Variants in MCF2L observed in about 807,000 individuals in gnomAD.
MCF2L encodes guanine nucleotide exchange factor DBS.
In MCF2L, 97 loss-of-function variants were observed where a neutral mutation model predicts 153.4. The observed-to-expected ratio is 0.63, with a 90% CI of 0.54 to 0.75. MCF2L has a LOEUF of 0.75. Among genes scored for constraint, MCF2L ranks in the 30% least tolerant of loss-of-function variants. The probability of loss-of-function intolerance (pLI) is 0.00; values close to 1 mark genes in which losing one functional copy is unlikely to be tolerated. For missense variants in MCF2L, 1,347 were observed against 1,495.2 expected, an observed-to-expected ratio of 0.90 and a Z score of 1.64; for synonymous variants, 659 against 632.2, an observed-to-expected ratio of 1.04 and a Z score of -0.64.
At position 113,082,438 on chromosome 13, in the gene MCF2L, G is replaced by A. The variant is rs564168801; in HGVS notation, c.1887G>A (p.Ala629=). The part of the protein sequence containing the change: ...ELLCVLEGYA[A]EMDNPLMAHL... ...CGCTCTCCCTGCAGGGCTACGCCGCGGAGATGGATAACCCACTGATGGCTC... is the reference window on the plus strand; with the variant it reads ...CGCTCTCCCTGCAGGGCTACGCCGCAGAGATGGATAACCCACTGATGGCTC... The change falls in exon 17 of 30, where the codon GCG becomes GCA. Residue 629 remains alanine (A), a synonymous_variant. Coordinates refer to ENST00000535094, the MANE Select transcript of MCF2L (RefSeq NM_001112732.3). 9.9e-5 allele frequency: 160 copies of A among 1,612,882 alleles called. No homozygotes were observed. In the South Asian group the frequency reaches 1.1e-3, roughly 11 times the overall value.
chr13:113,014,453 A>ACTGCT (rs2084377773), intron 1 of MCF2L, among the ~76,000 whole-genome samples: 1 of 151,786 alleles, frequency 6.6e-6, no homozygotes, highest in Admixed American at 6.6e-5. Flanking sequence ...GCCCTTTCCC[A>ACTGCT]CTGCTCCCCT....
At chr13:112,940,276 C>T (rs377738842) in intron 2 of MCF2L, among the ~76,000 whole-genome samples, 7 of 152,170 alleles carry the variant, frequency 4.6e-5, no homozygotes, top group East Asian at 1.9e-4. Flanking sequence ...ATTTGGACAC[C>T]GCCAGAAACT....
At chr13:113,084,116 G>A (rs1373464055) in intron 18 of MCF2L, 49 bp downstream of exon 18, 2 of 1,404,630 alleles carry the variant, frequency 1.4e-6, no homozygotes, top group African/African-American at 2.8e-5. Context: ...TAAAAGTACT[G>A]AATAATGACT....
chr13:113,038,109 A>G (rs1414378933), intron 3 of MCF2L, among the ~76,000 whole-genome samples: 2 of 152,078 alleles, frequency 1.3e-5, no homozygotes, highest in African/African-American at 4.8e-5. Flanking sequence ...ACATAGGAAT[A>G]AAATCATATC....
intron 3 of MCF2L, among the ~76,000 whole-genome samples, chr13:113,042,098 G>T (rs1207498999): frequency 6.6e-6 from 1 of 152,148 alleles, no homozygotes; most frequent in Non-Finnish European, 1.5e-5. Context: ...GAAGAAGCAT[G>T]CCTCCTGCCT....
Position 113,080,496 on chromosome 13 carries a change from G to A in MCF2L, c.1809-717G>A, listed in dbSNP as rs532131661. Among the ~76,000 whole-genome samples the A allele has an allele frequency of 9.2e-5, 14 of 152,354 alleles. No individual in the cohort carries two copies. In the South Asian group the frequency reaches 2.7e-3, roughly 29 times the overall value. On this transcript the variant is annotated intron_variant, in intron 15 of 29. Coordinates refer to ENST00000535094, the MANE Select transcript of MCF2L (RefSeq NM_001112732.3). ...ACAGCTGTCTTAGAACAAGCTTGCT[G>A]AACAACCTCAACCCAGGACCAGCCC...
rs1383049904 is a variant in MCF2L, at chr13:113,084,058, T to C, written c.2052T>C (p.Phe684=). The C allele has an allele frequency of 6.2e-7, 1 of 1,613,848 alleles. No individual in the cohort carries two copies. Among genetic ancestry groups the C allele is most frequent in the East Asian group, 2.2e-5 (1 of 44,886 alleles). The change falls in exon 18 of 30, where the codon TTT becomes TTC. Residue 684 remains phenylalanine, a synonymous_variant. Coordinates refer to ENST00000535094, the MANE Select transcript of MCF2L (RefSeq NM_001112732.3). The part of the protein sequence containing the change: ...TDCPELVGRC[F]LERMEDFQIY... ...GCCCAGAACTGGTTGGAAGATGCTT[T>C]CTGGAGAGGGTAGGTGGTGTTTTGA...
chr13:113,087,777 G>T lies in MCF2L; in HGVS notation c.2666G>T (p.Arg889Leu). ...AAGTTCGAGATCTGGTACAACGCGC[G>T]CGAGGAGGTCTACATCGTCCAGGTG... The part of the protein sequence containing the change: ...AKKFEIWYNA[R>L]EEVYIVQAPT... The change falls in exon 23 of 30, where the codon CGC (arginine) becomes CTC (leucine). Residue 889 changes from arginine (R) to leucine (L), a missense_variant. By Grantham distance (102) the Arg-to-Leu change is moderately radical. Transcript: ENST00000535094. The T allele has an allele frequency of 6.2e-7, 1 of 1,614,116 alleles. No homozygotes were observed. Among genetic ancestry groups the T allele is most frequent in the Non-Finnish European group, 8.5e-7 (1 of 1,180,020 alleles).
intron 4 of MCF2L, among the ~76,000 whole-genome samples, chr13:113,048,017 C>T (rs530080183): frequency 9.4e-4 from 143 of 152,276 alleles, no homozygotes; most frequent in African/African-American, 3.3e-3. Flanking sequence ...CAAGAGCTTC[C>T]CCAGATACGA....
chr13:112,989,486 T>C lies in MCF2L; in HGVS notation c.79+20028T>C, dbSNP rs1175730372. Among the ~76,000 whole-genome samples, 2 of 20,318 alleles carry C rather than the reference T, an allele frequency of 9.8e-5. 1 individual carries two copies. The highest frequency in any genetic ancestry group is 9.7e-4 in the East Asian group (2 of 2,066). The allele number at this position is 20,318 out of a possible 152,430, so 13.3% of individuals were successfully genotyped here. A position where few individuals can be genotyped will look rare whatever the true frequency, so the allele number is the denominator to read the frequency against. On this transcript the variant is annotated intron_variant, in intron 1 of 29. Transcript: ENST00000535094. ...ACATGGAGCCACCACGCCCGAGTCC[T>C]CCCTGAGCAGGGGATGGAGCTACCA...
intron 1 of MCF2L, among the ~76,000 whole-genome samples, chr13:112,971,718 T>C (rs1044793134): frequency 5.3e-5 from 8 of 152,204 alleles, no homozygotes; most frequent in African/African-American, 1.9e-4. Context: ...ACCTTGAGAA[T>C]TGACATTTTA....
At chr13:113,089,549 C>A in intron 25 of MCF2L, 61 bp from the exon 26 acceptor site, 4 of 1,107,558 alleles carry the variant, frequency 3.6e-6, no homozygotes, top group African/African-American at 1.5e-5. Context: ...GTCCTCAGGG[C>A]GTTCTGAAAG....
At chr13:113,042,499 C>T (rs1213038562) in intron 3 of MCF2L, 4 of 152,222 alleles carry the variant, frequency 2.6e-5, no homozygotes, top group Non-Finnish European at 5.9e-5. Flanking sequence ...TACAATGTAA[C>T]ACAAAGATTT....
At chr13:113,052,149 G>A (rs578164679) in intron 4 of MCF2L, among the ~76,000 whole-genome samples, 14 of 152,314 alleles carry the variant, frequency 9.2e-5, no homozygotes, top group Middle Eastern at 3.4e-3. Flanking sequence ...GATACCTATA[G>A]CAAAACATCA....
chr13:112,913,793 A>G (rs895368987), intron 2 of MCF2L, among the ~76,000 whole-genome samples: 4 of 152,118 alleles, frequency 2.6e-5, no homozygotes, highest in African/African-American at 9.7e-5. Context: ...GTGCTTTTAA[A>G]AATGTCTTTA....
intron 18 of MCF2L, chr13:113,084,637 C>T (rs2142020088): frequency 1.8e-6 from 1 of 554,750 alleles, no homozygotes; most frequent in Non-Finnish European, 3.2e-6. Flanking sequence ...CGTCTCCACT[C>T]CACGCCTGTG....
chr13:112,997,036 C>T (rs1404234798), intron 1 of MCF2L, among the ~76,000 whole-genome samples: 1 of 152,248 alleles, frequency 6.6e-6, no homozygotes, highest in Non-Finnish European at 1.5e-5. Context: ...AGCCCCGGGC[C>T]GCCCTCGCCT....
chr13:113,031,032 CAGAG>C lies in MCF2L; in HGVS notation c.278+6278_278+6281del, dbSNP rs1355383028. Among the ~76,000 whole-genome samples, 1 of 69,844 alleles carries C rather than the reference CAGAG, an allele frequency of 1.4e-5. No individual in the cohort carries two copies. Among genetic ancestry groups the C allele is most frequent in the Non-Finnish European group, 2.6e-5 (1 of 39,058 alleles). 45.8% of individuals were successfully genotyped at this position (69,844 alleles called of 152,430 possible). On this transcript the variant is annotated intron_variant, in intron 3 of 29. Transcript: ENST00000535094. This position sits in a 1 kb window ranked among gnomAD's most constrained non-coding sequence, Gnocchi z 5.5. Reference sequence around the variant, plus strand: ...AAACAATGTGAGAAAGAAAGAGAGACAGAGAGACAGAGACAGACAGATACAGACA... The same window carrying C: ...AAACAATGTGAGAAAGAAAGAGAGACAGACAGAGACAGACAGATACAGACA...
intron 2 of MCF2L, among the ~76,000 whole-genome samples, chr13:112,924,265 T>G (rs564315487): frequency 6.6e-6 from 1 of 152,214 alleles, no homozygotes; most frequent in East Asian, 1.9e-4. Context: ...CACACGCAGC[T>G]GGGCTACAGA....
Sources: gnomAD v4.1 joint callset for allele counts (sites outside exome capture counted in the v4.1 genomes callset) on GRCh38, gnomAD v4.1.1 for gene constraint, Gnocchi (gnomAD v3.1) non-coding constraint, MANE v1.5 for transcripts, NCBI Gene and HGNC (gene_info 2026-07-23, HGNC 2026-07-21) for gene names.